Variants in RUNX2 observed in about 807,000 individuals in gnomAD.
The protein encoded by RUNX2 is runt-related transcription factor 2.
RUNX2 carries 10 observed loss-of-function variants against 51.7 expected under a neutral mutation model. The observed-to-expected ratio is 0.19, with a 90% CI of 0.12 to 0.33. RUNX2 has a LOEUF of 0.33. Ranked by LOEUF, RUNX2 falls within the 10% of genes least tolerant of loss-of-function variation. The pLI is 1.00. For synonymous variants in RUNX2, 276 were observed against 273.6 expected (o/e 1.01, Z -0.09); for missense variants, 562 against 691.3 (o/e 0.81, Z 2.10).
Position 45,549,152 on chromosome 6 carries a change from CT to C in RUNX2, c.*1849del. The C allele has an allele frequency of 5.0e-6, 2 of 398,586 alleles. No individual in the cohort carries two copies. The highest frequency in any genetic ancestry group is 8.8e-6 in the Non-Finnish European group (2 of 226,078). The allele number at this position is 398,586 out of a possible 1,614,324, so 24.7% of individuals were successfully genotyped here. ...CATGGCAGATTTCCAAGTGCAAATC[CT>C]TAATCCAAACAAGGATCATCTAATG... is the stretch of plus-strand genomic sequence containing the variant. On this transcript the variant is annotated 3_prime_UTR_variant, in exon 9 of 9. Transcript: ENST00000647337.
chr6:45,472,232 G>GT (rs1296353375), intron 5 of RUNX2, among the ~76,000 whole-genome samples: 15 of 152,120 alleles, frequency 9.9e-5, no homozygotes, highest in African/African-American at 3.6e-4. Context: ...AGATGTAAAG[G>GT]TATTACTGGA....
At chr6:45,379,151 T>TC (rs1311801220) in intron 2 of RUNX2, among the ~76,000 whole-genome samples, 1 of 152,160 alleles carries the variant, frequency 6.6e-6, no homozygotes, top group Non-Finnish European at 1.5e-5. Flanking sequence ...CTCTTTAATC[T>TC]CCCCAACGCT....
At chr6:45,519,894 C>A (rs1801452600) in intron 7 of RUNX2, among the ~76,000 whole-genome samples, 2 of 151,154 alleles carry the variant, frequency 1.3e-5, no homozygotes, top group Non-Finnish European at 2.9e-5. Flanking sequence ...ATGGCATGAT[C>A]TCGGCTCATG....
chr6:45,423,748 G>T (rs1163596081), intron 3 of RUNX2, among the ~76,000 whole-genome samples: 1 of 152,206 alleles, frequency 6.6e-6, no homozygotes, highest in Non-Finnish European at 1.5e-5. Flanking sequence ...TCCCGTTACC[G>T]GGAGGAAGGC....
intron 5 of RUNX2, among the ~76,000 whole-genome samples, chr6:45,477,450 C>T (rs185897462): frequency 1.1e-4 from 16 of 152,276 alleles, no homozygotes; most frequent in Admixed American, 5.9e-4. Flanking sequence ...GCCAACACAG[C>T]GTTAGGGATT....
intron 2 of RUNX2, among the ~76,000 whole-genome samples, chr6:45,382,140 A>G (rs17288327): frequency 0.23 from 34,520 of 152,176 alleles, 4,586 homozygotes; most frequent in Non-Finnish European, 0.31. Flanking sequence ...CATGGAATCC[A>G]ATATGTAAAA....
chr6:45,403,229 C>CTTTTTTTTTTTTTTTTTTTTTTTTTTT (rs201142802), intron 2 of RUNX2, among the ~76,000 whole-genome samples: 1 of 108,828 alleles, frequency 9.2e-6, no homozygotes. Context: ...GTTTGAGTTT[C>CTTTTTTTTTTTTTTTTTTTTTTTTTTT]TTTTTTTTTT....
At chr6:45,377,360 CACTA>C (rs1289567785) in intron 2 of RUNX2, 2 of 152,250 alleles carry the variant, frequency 1.3e-5, no homozygotes, top group African/African-American at 4.8e-5. Flanking sequence ...GCTACACTCC[CACTA>C]ACTACCTAAC....
chr6:45,391,738 GC>G (rs1324583366), intron 2 of RUNX2, among the ~76,000 whole-genome samples: 1 of 152,136 alleles, frequency 6.6e-6, no homozygotes, highest in East Asian at 1.9e-4. Context: ...AGGGGAAAGA[GC>G]CCTTATAAAA....
chr6:45,424,819 GA>G (rs1345422539), intron 3 of RUNX2, among the ~76,000 whole-genome samples: 5 of 152,108 alleles, frequency 3.3e-5, no homozygotes, highest in African/African-American at 7.2e-5. Flanking sequence ...GTTGGCTCAA[GA>G]AATTTTTTTT....
chr6:45,448,859 A>G (rs772343178), intron 5 of RUNX2, among the ~76,000 whole-genome samples: 4 of 152,162 alleles, frequency 2.6e-5, no homozygotes, highest in Non-Finnish European at 5.9e-5. Flanking sequence ...TGGGCCCTTC[A>G]AGGAGATGAT....
intron 5 of RUNX2, among the ~76,000 whole-genome samples, chr6:45,449,530 A>T (rs1229587471): frequency 6.6e-6 from 1 of 152,174 alleles, no homozygotes; most frequent in Non-Finnish European, 1.5e-5. Context: ...AGGATTCCAG[A>T]TATTTTCCTG....
chr6:45,519,529 C>A (rs1045701262), intron 7 of RUNX2, among the ~76,000 whole-genome samples: 1 of 152,036 alleles, frequency 6.6e-6, no homozygotes, highest in African/African-American at 2.4e-5. Flanking sequence ...CTGTACACCA[C>A]CTGTTCATCT....
intron 2 of RUNX2, among the ~76,000 whole-genome samples, chr6:45,353,504 T>C (rs1215559618): frequency 6.6e-6 from 1 of 152,004 alleles, no homozygotes; most frequent in Admixed American, 6.6e-5. Flanking sequence ...CTGATAAAGG[T>C]AGTATTTCAA....
At chr6:45,496,564 C>T in intron 6 of RUNX2, among the ~76,000 whole-genome samples, 1 of 152,042 alleles carries the variant, frequency 6.6e-6, no homozygotes, top group East Asian at 1.9e-4. Context: ...GAGAAAAGGT[C>T]CTTTGAAAAG....
intron 2 of RUNX2, among the ~76,000 whole-genome samples, chr6:45,409,440 C>A (rs1376603859): frequency 6.6e-6 from 1 of 152,178 alleles, no homozygotes; most frequent in Non-Finnish European, 1.5e-5. Flanking sequence ...CTTTTGCCTC[C>A]AAACACAAGC....
At chr6:45,360,809 A>C (rs1333624531) in intron 2 of RUNX2, among the ~76,000 whole-genome samples, 1 of 152,220 alleles carries the variant, frequency 6.6e-6, no homozygotes, top group Admixed American at 6.5e-5. Flanking sequence ...GGGCAGAACT[A>C]CAGACCTAAA....
At chr6:45,378,850 C>A (rs1298921662) in intron 2 of RUNX2, among the ~76,000 whole-genome samples, 1 of 152,048 alleles carries the variant, frequency 6.6e-6, no homozygotes. Context: ...TATATGAAGT[C>A]TTATTTATAT....
intron 7 of RUNX2, among the ~76,000 whole-genome samples, chr6:45,529,489 G>C (rs1801775115): frequency 6.6e-6 from 1 of 151,980 alleles, no homozygotes; most frequent in African/African-American, 2.4e-5. Context: ...TGATGGGTTG[G>C]CTGTTTCTTT....
Sources: allele counts gnomAD v4.1 joint callset (sites outside exome capture counted in the v4.1 genomes callset), GRCh38; gene constraint gnomAD v4.1.1; transcripts MANE v1.5; gene names NCBI Gene and HGNC (gene_info 2026-07-23, HGNC 2026-07-21).